PRKN: variants seen among roughly 807,000 people sequenced by gnomAD.
PRKN encodes the protein parkin RBR E3 ubiquitin protein ligase.
In PRKN, 56 loss-of-function variants were observed where a neutral mutation model predicts 59.5. The ratio of observed to expected loss-of-function variants is 0.94; its 90% CI spans 0.76 to 1.18. The LOEUF is 1.18. PRKN is among the 50% of genes most tolerant of loss of function. The pLI is 0.00. For missense variants in PRKN, 657 were observed against 596.4 expected, an observed-to-expected ratio of 1.10 and a Z score of -1.06; for synonymous variants, 250 against 222.1, an observed-to-expected ratio of 1.13 and a Z score of -1.12.
chr6:161,418,424 A>G (rs1285858037), intron 9 of PRKN, among the ~76,000 whole-genome samples: 7 of 152,222 alleles, frequency 4.6e-5, no homozygotes, highest in Non-Finnish European at 1.0e-4. Context: ...ATATTCATGT[A>G]TCGGCCTTGA....
At chr6:161,816,881 G>C (rs60117510) in intron 6 of PRKN, among the ~76,000 whole-genome samples, 40,061 of 152,066 alleles carry the variant, frequency 0.26, 5,362 homozygotes, top group Middle Eastern at 0.33. Context: ...AAAGAGAACA[G>C]GGTTCAGTAT....
At position 161,544,068 on chromosome 6, in the gene PRKN, G is replaced by C. The variant is rs1779710434; in HGVS notation, c.1083+4786C>G. Among the ~76,000 whole-genome samples the C allele has an allele frequency of 6.6e-6, 1 of 152,140 alleles. No individual in the cohort carries two copies. ...CAGAGTGAGGCTAGACTAGTATTTG[G>C]TACCAAAATACATTCTCTGCTGCGT... On this transcript the variant is annotated intron_variant, in intron 9 of 11. Transcript: ENST00000366898. The surrounding 1 kb of genome is among the most constrained non-coding windows in gnomAD (Gnocchi z 5.5).
chr6:162,316,300 C>T (rs181137483), intron 2 of PRKN, among the ~76,000 whole-genome samples: 1 of 151,700 alleles, frequency 6.6e-6, no homozygotes, highest in African/African-American at 2.4e-5. Context: ...GTCATGATAC[C>T]TCATGTCACT....
intron 1 of PRKN, among the ~76,000 whole-genome samples, chr6:162,575,072 A>G (rs1330037537): frequency 6.6e-6 from 1 of 152,110 alleles, no homozygotes; most frequent in Admixed American, 6.5e-5. Context: ...AATCAAACTC[A>G]TCAGTGTTCT....
At chr6:162,639,232 G>A (rs988486516) in intron 1 of PRKN, among the ~76,000 whole-genome samples, 37 of 152,088 alleles carry the variant, frequency 2.4e-4, no homozygotes, top group Admixed American at 3.3e-4. Flanking sequence ...AGTCAATGGC[G>A]CCATTTCCCC....
At chr6:161,731,774 C>T (rs1437655815) in intron 7 of PRKN, among the ~76,000 whole-genome samples, 1 of 152,104 alleles carries the variant, frequency 6.6e-6, no homozygotes, top group Admixed American at 6.6e-5. Context: ...AACAAAAGCA[C>T]TAAATATGTC....
intron 7 of PRKN, among the ~76,000 whole-genome samples, chr6:161,744,291 C>G (rs565140743): frequency 5.9e-5 from 9 of 151,500 alleles, no homozygotes; most frequent in African/African-American, 2.2e-4. Context: ...CAGATGTGAA[C>G]AGTGGGTCCA....
At chr6:161,843,192 A>G (rs1404056858) in intron 6 of PRKN, among the ~76,000 whole-genome samples, 1 of 152,164 alleles carries the variant, frequency 6.6e-6, no homozygotes, top group African/African-American at 2.4e-5. Flanking sequence ...ACCAAACTCT[A>G]TATTATTATC....
intron 1 of PRKN, among the ~76,000 whole-genome samples, chr6:162,629,212 A>AC (rs1783009483): frequency 6.6e-6 from 1 of 152,172 alleles, no homozygotes; most frequent in Non-Finnish European, 1.5e-5. Flanking sequence ...TTAGTTATTT[A>AC]TAGACTAGAA....
intron 1 of PRKN, among the ~76,000 whole-genome samples, chr6:162,689,709 C>G (rs941769344): frequency 1.9e-4 from 29 of 152,282 alleles, no homozygotes; most frequent in African/African-American, 5.5e-4. Flanking sequence ...CCTCAATACA[C>G]GTAGACCCTC....
chr6:162,519,536 T>G (rs1246691761), intron 1 of PRKN, among the ~76,000 whole-genome samples: 2 of 152,172 alleles, frequency 1.3e-5, no homozygotes, highest in African/African-American at 4.8e-5. Context: ...TTAATAGTTT[T>G]GATATTAACA....
At chr6:161,775,178 T>C (rs1476634426) in intron 7 of PRKN, among the ~76,000 whole-genome samples, 2 of 152,332 alleles carry the variant, frequency 1.3e-5, no homozygotes, top group African/African-American at 4.8e-5. Context: ...TATGGAAATA[T>C]ATGAATTTAT....
rs1291380059 is a variant in PRKN at position 161,467,975 on chromosome 6, T to C, written c.1083+80879A>G. ...ACTCCCTTAGCCTACACTTTATTTT[T>C]ATTTTTAGTTTTATTGAGACAGAGT... On this transcript the variant is annotated intron_variant, in intron 9 of 11. Transcript: ENST00000366898. The surrounding 1 kb of genome is among the most constrained non-coding windows in gnomAD (Gnocchi z 4.3). Among the ~76,000 whole-genome samples the C allele has an allele frequency of 6.6e-6, 1 of 152,120 alleles. No individual in the cohort carries two copies. Among genetic ancestry groups the C allele is most frequent in the Non-Finnish European group, 1.5e-5 (1 of 68,010 alleles).
At chr6:162,410,681 T>C (rs1221047253) in intron 2 of PRKN, among the ~76,000 whole-genome samples, 2 of 152,204 alleles carry the variant, frequency 1.3e-5, no homozygotes, top group Non-Finnish European at 1.5e-5. Flanking sequence ...TCTCAAACCA[T>C]GCCCCTTTTG....
chr6:161,722,889 T>A (rs1429475896), intron 7 of PRKN, among the ~76,000 whole-genome samples: 2 of 152,314 alleles, frequency 1.3e-5, no homozygotes, highest in East Asian at 1.9e-4. Context: ...TTTAAAGATT[T>A]CCCTCTACTT....
At chr6:161,676,794 T>G (rs915344546) in intron 7 of PRKN, among the ~76,000 whole-genome samples, 1 of 152,170 alleles carries the variant, frequency 6.6e-6, no homozygotes, top group Non-Finnish European at 1.5e-5. Context: ...TGAGACATGC[T>G]GATTGAATTC....
intron 4 of PRKN, among the ~76,000 whole-genome samples, chr6:162,198,178 A>G (rs1219873244): frequency 6.6e-6 from 1 of 152,170 alleles, no homozygotes. Flanking sequence ...ATGAATTTAA[A>G]TATCAAAGGT....
chr6:162,519,659 C>T (rs1311506535), intron 1 of PRKN, among the ~76,000 whole-genome samples: 9 of 152,038 alleles, frequency 5.9e-5, no homozygotes. Flanking sequence ...TGAAACAAAC[C>T]CATCTCATTT....
At chr6:161,350,299 A>G (rs1158597237) in intron 11 of PRKN, 88 bp from the exon 12 acceptor site, 1 of 847,932 alleles carries the variant, frequency 1.2e-6, no homozygotes, top group Non-Finnish European at 2.0e-6. Flanking sequence ...TAGCCTAGAC[A>G]TCACTTTCTG....
Sources: gnomAD v4.1 joint callset for allele counts (sites outside exome capture counted in the v4.1 genomes callset) on GRCh38, gnomAD v4.1.1 for gene constraint, Gnocchi (gnomAD v3.1) non-coding constraint, MANE v1.5 for transcripts, NCBI Gene and HGNC (gene_info 2026-07-23, HGNC 2026-07-21) for gene names.